The following UBASH3B variants were observed in gnomAD, a reference collection of about 807,000 sequenced individuals.
UBASH3B encodes the protein ubiquitin-associated and SH3 domain-containing protein B.
UBASH3B carries 37 observed loss-of-function variants against 83.4 expected under a neutral mutation model. The observed-to-expected ratio is 0.44, with a 90% CI of 0.34 to 0.58. The LOEUF is 0.58. Ranked by LOEUF, UBASH3B falls within the 20% of genes least tolerant of loss-of-function variation. UBASH3B has a pLI of 0.01. For missense variants in UBASH3B, 657 were observed against 827.2 expected (o/e 0.79, Z 2.52); for synonymous variants, 304 against 318.3 (o/e 0.96, Z 0.48).
intron 4 of UBASH3B, among the ~76,000 whole-genome samples, chr11:122,780,472 G>C (rs548725516): frequency 2.0e-5 from 3 of 152,184 alleles, no homozygotes; most frequent in Non-Finnish European, 4.4e-5. Flanking sequence ...CAATCTGGTG[G>C]GGGGAGAGCC....
At chr11:122,780,960 C>T (rs1860841828) in intron 4 of UBASH3B, among the ~76,000 whole-genome samples, 1 of 152,238 alleles carries the variant, frequency 6.6e-6, no homozygotes, top group Admixed American at 6.5e-5. Context: ...TATCCCTCAC[C>T]TGCCATTGTT....
chr11:122,794,743 C>T lies in UBASH3B; in HGVS notation c.1022C>T (p.Thr341Met), dbSNP rs76335003. The change falls in exon 7 of 14, where the codon ACG becomes ATG. Residue 341 changes from threonine (T) to methionine (M), a missense_variant. Physicochemically the swap from Thr to Met is moderately conservative, Grantham distance 81. Around this residue, in one of 3 missense-constraint regions of UBASH3B, gnomAD observed 573 missense variants for 739.0 expected, o/e 0.78. Coordinates refer to ENST00000284273, the MANE Select transcript of UBASH3B (RefSeq NM_032873.5). ...AATACATCGTCATCCAACTCTCTCA[C>T]GTTTGGGGATGGAGTATTGGAGAGG... The part of the protein sequence containing the change: ...ILNTSSSNSL[T>M]FGDGVLERRP... 974 of 1,614,136 alleles carry T rather than the reference C, an allele frequency of 6.0e-4. 3 individuals are homozygous for T. In the African/African-American group the frequency reaches 9.4e-3, roughly 16 times the overall value.
chr11:122,716,763 T>A (rs903907933), intron 1 of UBASH3B, among the ~76,000 whole-genome samples: 4 of 151,866 alleles, frequency 2.6e-5, no homozygotes, highest in Admixed American at 1.3e-4. Context: ...GTCTAAGGAG[T>A]CCAGTTCAGT....
At chr11:122,799,109 A>G in intron 10 of UBASH3B, 75 bp downstream of exon 10, 1 of 1,248,052 alleles carries the variant, frequency 8.0e-7, no homozygotes, top group South Asian at 1.2e-5. Context: ...AAATTATCTT[A>G]GAGCCATGGG....
At chr11:122,677,915 G>T (rs192593088) in intron 1 of UBASH3B, among the ~76,000 whole-genome samples, 28 of 152,288 alleles carry the variant, frequency 1.8e-4, no homozygotes, top group African/African-American at 6.3e-4. Context: ...GGGATTACAG[G>T]TGCCCACCAC....
chr11:122,733,688 CA>C (rs1565545594), intron 1 of UBASH3B, among the ~76,000 whole-genome samples: 1 of 152,124 alleles, frequency 6.6e-6, no homozygotes, highest in African/African-American at 2.4e-5. Flanking sequence ...ATGGATATGT[CA>C]ACAGATTATT....
intron 1 of UBASH3B, among the ~76,000 whole-genome samples, chr11:122,766,840 C>G (rs1013692101): frequency 3.9e-5 from 6 of 152,270 alleles, no homozygotes; most frequent in African/African-American, 9.6e-5. Flanking sequence ...TTTGCATGGG[C>G]ATATTTTGCC....
chr11:122,753,589 C>T (rs1282259309), intron 1 of UBASH3B, among the ~76,000 whole-genome samples: 2 of 149,714 alleles, frequency 1.3e-5, no homozygotes, highest in African/African-American at 4.9e-5. Context: ...CTCCTCCTCC[C>T]GGGTTCAAGC....
Position 122,806,351 on chromosome 11 carries a change from T to C in UBASH3B, c.1596-59T>C. On this transcript the variant is annotated intron_variant, in intron 11 of 13. Transcript: ENST00000284273. The surrounding 1 kb of genome is among the most constrained non-coding windows in gnomAD (Gnocchi z 4.0). ...CTTGAAATAAAAGTTTAGAGTGATATCTTCCTTTGTCTCAAGATCAAAATG... is the reference window on the plus strand; with the variant it reads ...CTTGAAATAAAAGTTTAGAGTGATACCTTCCTTTGTCTCAAGATCAAAATG... The C allele has an allele frequency of 7.1e-7, 1 of 1,417,870 alleles. No homozygotes were observed. The highest frequency in any genetic ancestry group is 9.7e-7 in the Non-Finnish European group (1 of 1,027,738). 87.8% of individuals were successfully genotyped at this position (1,417,870 alleles called of 1,614,324 possible).
At chr11:122,742,151 G>A (rs527463396) in intron 1 of UBASH3B, among the ~76,000 whole-genome samples, 5 of 152,200 alleles carry the variant, frequency 3.3e-5, no homozygotes, top group Non-Finnish European at 7.3e-5. Context: ...GTCAGTCAGC[G>A]AGACTGCCTT....
intron 1 of UBASH3B, among the ~76,000 whole-genome samples, chr11:122,749,425 T>C (rs1362689015): frequency 6.6e-6 from 1 of 152,248 alleles, no homozygotes; most frequent in African/African-American, 2.4e-5. Flanking sequence ...TGCATTTGCA[T>C]TGTGCTTTGC....
chr11:122,662,211 G>A (rs990087271), intron 1 of UBASH3B, among the ~76,000 whole-genome samples: 6 of 151,522 alleles, frequency 4.0e-5, no homozygotes, highest in African/African-American at 1.2e-4. Context: ...CCGGCCAGCC[G>A]ATGTGCTTTT....
chr11:122,785,463 G>A (rs113157295), intron 5 of UBASH3B, among the ~76,000 whole-genome samples: 2,083 of 152,250 alleles, frequency 0.014, 58 homozygotes, highest in African/African-American at 0.046. Flanking sequence ...GCAAGGCACC[G>A]TGATGCTTAG....
chr11:122,715,073 G>A (rs1455033221), intron 1 of UBASH3B, among the ~76,000 whole-genome samples: 2 of 152,078 alleles, frequency 1.3e-5, no homozygotes, highest in Non-Finnish European at 2.9e-5. Context: ...AGCCTCCCGC[G>A]TAGCTGGGAC....
At chr11:122,733,127 T>G (rs1860870815) in intron 1 of UBASH3B, among the ~76,000 whole-genome samples, 1 of 152,178 alleles carries the variant, frequency 6.6e-6, no homozygotes, top group Non-Finnish European at 1.5e-5. Context: ...CCAAAGGTCT[T>G]TGGATATGGG....
chr11:122,744,898 T>TGTGC (rs1293701124), intron 1 of UBASH3B, among the ~76,000 whole-genome samples: 36 of 107,924 alleles, frequency 3.3e-4, no homozygotes, highest in African/African-American at 9.0e-4. Flanking sequence ...TGTGTGTGTG[T>TGTGC]GCGCGCGCGC....
At chr11:122,691,194 TCTG>T (rs537913776) in intron 1 of UBASH3B, among the ~76,000 whole-genome samples, 6 of 152,242 alleles carry the variant, frequency 3.9e-5, no homozygotes, top group Admixed American at 2.0e-4. Context: ...GGCTGTGTGT[TCTG>T]CTCTGTGCCT....
At chr11:122,779,282 G>C in intron 3 of UBASH3B, 2 of 607,198 alleles carry the variant, frequency 3.3e-6, no homozygotes, top group South Asian at 3.9e-5. Context: ...GGAGGGAAGA[G>C]GTCATGTGTT....
At chr11:122,753,644 G>T (rs1161139029) in intron 1 of UBASH3B, among the ~76,000 whole-genome samples, 2 of 151,372 alleles carry the variant, frequency 1.3e-5, no homozygotes, top group Non-Finnish European at 2.9e-5. Context: ...TTACAGGCAT[G>T]CACCACCACA....
Sources: gnomAD v4.1 joint callset for allele counts (sites outside exome capture counted in the v4.1 genomes callset) on GRCh38, gnomAD v4.1.1 for gene constraint, gnomAD v4.1.1 regional missense constraint, Gnocchi (gnomAD v3.1) non-coding constraint, MANE v1.5 for transcripts, NCBI Gene and HGNC (gene_info 2026-07-23, HGNC 2026-07-21) for gene names.